Variants in BCAS3 observed in about 807,000 individuals in gnomAD.
BCAS3 encodes the protein BCAS4/BCAS3 fusion.
In BCAS3, 53 loss-of-function variants were observed where a neutral mutation model predicts 116.1. That is an observed-to-expected ratio of 0.46 (90% CI 0.37 to 0.57). The LOEUF (loss-of-function observed/expected upper bound fraction) is 0.57, where lower values mean the gene tolerates loss of function less well. BCAS3 is among the 20% of genes least tolerant of loss of function. The probability of loss-of-function intolerance (pLI) is 0.00; values close to 1 mark genes in which losing one functional copy is unlikely to be tolerated. For synonymous variants in BCAS3, 391 were observed against 408.2 expected (o/e 0.96, Z 0.51); for missense variants, 917 against 1,165.4 (o/e 0.79, Z 3.10).
intron 14 of BCAS3, among the ~76,000 whole-genome samples, chr17:60,982,022 C>T (rs978315568): frequency 6.6e-6 from 1 of 151,940 alleles, no homozygotes; most frequent in Non-Finnish European, 1.5e-5. Flanking sequence ...TGTGTATGCA[C>T]AAATGTGTAT....
intron 22 of BCAS3, among the ~76,000 whole-genome samples, chr17:61,247,838 A>G (rs1164610298): frequency 1.3e-5 from 2 of 152,160 alleles, no homozygotes; most frequent in Admixed American, 6.5e-5. Flanking sequence ...GATCTCACCA[A>G]CCAGGCCTCA....
At chr17:60,838,085 A>T (rs976602518) in intron 7 of BCAS3, among the ~76,000 whole-genome samples, 2 of 152,196 alleles carry the variant, frequency 1.3e-5, no homozygotes, top group Non-Finnish European at 2.9e-5. Context: ...TGGCGAGATA[A>T]ACCCCACAAA....
chr17:61,040,531 A>G (rs577375703), intron 18 of BCAS3, among the ~76,000 whole-genome samples: 1 of 152,288 alleles, frequency 6.6e-6, no homozygotes, highest in Admixed American at 6.5e-5. Flanking sequence ...TGTCTTGCCT[A>G]TCCTGTTGGA....
At chr17:60,808,715 GA>G (rs1252889983) in intron 7 of BCAS3, among the ~76,000 whole-genome samples, 3 of 152,150 alleles carry the variant, frequency 2.0e-5, no homozygotes, top group African/African-American at 7.2e-5. Flanking sequence ...ACAAAATCAT[GA>G]AAGCCTAATT....
intron 22 of BCAS3, among the ~76,000 whole-genome samples, chr17:61,193,757 C>CAAA (rs59810014): frequency 3.8e-5 from 2 of 52,308 alleles, no homozygotes; most frequent in Non-Finnish European, 6.5e-5. Context: ...AACTCCATCT[C>CAAA]AAAAAAAAAA....
rs2061480672 is a variant in BCAS3, at chr17:60,962,958, T to C, written c.1221+15606T>C. Among the ~76,000 whole-genome samples, 1 of 152,218 alleles carries C rather than the reference T, an allele frequency of 6.6e-6. No homozygotes were observed. The highest frequency in any genetic ancestry group is 2.1e-4 in the South Asian group (1 of 4,830). ...GTCTAGTTTCATTCTTCTGCATAGCTATCCAGTTATCCCACCACCACTTAT... is the reference window on the plus strand; with the variant it reads ...GTCTAGTTTCATTCTTCTGCATAGCCATCCAGTTATCCCACCACCACTTAT... On this transcript the variant is annotated intron_variant, in intron 14 of 23. Transcript: ENST00000407086. This position sits in a 1 kb window ranked among gnomAD's most constrained non-coding sequence, Gnocchi z 4.4.
At chr17:60,833,832 G>A (rs1366887504) in intron 7 of BCAS3, among the ~76,000 whole-genome samples, 6 of 151,958 alleles carry the variant, frequency 3.9e-5, no homozygotes, top group Admixed American at 1.3e-4. Flanking sequence ...TTCATTTTCC[G>A]CTCAATTCCA....
chr17:60,913,623 T>G (rs961857839), intron 12 of BCAS3, among the ~76,000 whole-genome samples: 1 of 152,150 alleles, frequency 6.6e-6, no homozygotes, highest in Non-Finnish European at 1.5e-5. Context: ...TAGCCTAAAC[T>G]GTAATGTTTT....
chr17:60,819,220 G>A (rs976929402), intron 7 of BCAS3, among the ~76,000 whole-genome samples: 1 of 152,046 alleles, frequency 6.6e-6, no homozygotes, highest in African/African-American at 2.4e-5. Flanking sequence ...GTTTTTGTTT[G>A]GTGATAAGGC....
At chr17:61,329,343 A>ATTTTTT (rs35909318) in intron 22 of BCAS3, among the ~76,000 whole-genome samples, 1 of 131,278 alleles carries the variant, frequency 7.6e-6, no homozygotes, top group East Asian at 2.2e-4. Context: ...TATTATTATT[A>ATTTTTT]TTTTTTTTTT....
chr17:60,751,910 TC>T (rs1316319429), intron 6 of BCAS3, among the ~76,000 whole-genome samples: 1 of 152,182 alleles, frequency 6.6e-6, no homozygotes, highest in African/African-American at 2.4e-5. Flanking sequence ...ATTAAAAAAA[TC>T]AAGTAATACT....
intron 15 of BCAS3, among the ~76,000 whole-genome samples, chr17:60,999,816 G>A (rs1166173842): frequency 1.3e-5 from 2 of 152,098 alleles, no homozygotes; most frequent in Non-Finnish European, 2.9e-5. Context: ...CTGGTGTCAT[G>A]TGTGATTTCT....
intron 23 of BCAS3, among the ~76,000 whole-genome samples, chr17:61,374,013 A>C (rs192538853): frequency 3.9e-4 from 59 of 150,422 alleles, no homozygotes; most frequent in Admixed American, 3.9e-3. Context: ...ACGGAGTTTC[A>C]CCATGTTAGC....
intron 7 of BCAS3, among the ~76,000 whole-genome samples, chr17:60,814,470 C>T (rs993531571): frequency 9.2e-5 from 14 of 151,934 alleles, no homozygotes; most frequent in African/African-American, 1.9e-4. Context: ...TGGAGTCTTT[C>T]GGGTCTTCTA....
chr17:61,074,988 A>G lies in BCAS3; in HGVS notation c.2098A>G (p.Ser700Gly), dbSNP rs1442779224. ...TTACGACAGTTTAGCTTCTGACCAT[A>G]GTGGACAGGAAGATGAAGAATGGCT... ...GSYDSLASDH[S>G]GQEDEEWLSQ... is the part of the protein sequence containing the mutation. Residue 700 changes from serine to glycine, a missense_variant, in exon 20 of 24, where the codon AGT (serine) becomes GGT (glycine). Coordinates refer to ENST00000407086, the MANE Select transcript of BCAS3 (RefSeq NM_017679.5). 1.9e-6 allele frequency: 3 copies of G among 1,613,342 alleles called. No individual in the cohort carries two copies. Among genetic ancestry groups the G allele is most frequent in the Non-Finnish European group, 8.5e-7 (1 of 1,179,438 alleles).
At chr17:60,895,336 A>T (rs1396271493) in intron 10 of BCAS3, among the ~76,000 whole-genome samples, 1 of 151,774 alleles carries the variant, frequency 6.6e-6, no homozygotes, top group Non-Finnish European at 1.5e-5. Context: ...GGTTTTTCAG[A>T]TTTTCAGTGT....
chr17:60,841,268 C>T (rs1460594682), intron 7 of BCAS3, among the ~76,000 whole-genome samples: 3 of 151,982 alleles, frequency 2.0e-5, no homozygotes, highest in African/African-American at 4.8e-5. Flanking sequence ...TTTGAGGTCA[C>T]ACTAAATCTA....
intron 5 of BCAS3, among the ~76,000 whole-genome samples, chr17:60,737,327 A>C (rs543837533): frequency 6.6e-6 from 1 of 152,214 alleles, no homozygotes; most frequent in East Asian, 1.9e-4. Flanking sequence ...TTTATTCATC[A>C]TTTCAAAGAA....
At chr17:60,797,345 C>T (rs1199812698) in intron 6 of BCAS3, among the ~76,000 whole-genome samples, 1 of 151,844 alleles carries the variant, frequency 6.6e-6, no homozygotes, top group East Asian at 1.9e-4. Flanking sequence ...GAGTTTGCTA[C>T]ATTTATTTTT....
Sources: allele counts gnomAD v4.1 joint callset (sites outside exome capture counted in the v4.1 genomes callset), GRCh38; gene constraint gnomAD v4.1.1; non-coding constraint Gnocchi (gnomAD v3.1); transcripts MANE v1.5; gene names NCBI Gene and HGNC (gene_info 2026-07-23, HGNC 2026-07-21).